The following SLC8A1 variants were observed in gnomAD, a reference collection of about 807,000 sequenced individuals.
SLC8A1 encodes the protein sodium/calcium exchanger 1.
In SLC8A1, 18 loss-of-function variants were observed where a neutral mutation model predicts 68.3. The observed-to-expected ratio is 0.26, with a 90% CI of 0.18 to 0.39. The LOEUF is 0.39. Ranked by LOEUF, SLC8A1 falls within the 10% of genes least tolerant of loss-of-function variation. The pLI, the probability that SLC8A1 is intolerant of heterozygous loss-of-function variation, is 1.00. For missense variants in SLC8A1, 985 were observed against 1,156.7 expected (o/e 0.85, Z 2.15); for synonymous variants, 475 against 415.5 (o/e 1.14, Z -1.74).
At chr2:40,107,182 A>G (rs2034253903) in exon 8 of SLC8A1, 1 of 149,342 alleles carries the variant, frequency 6.7e-6, no homozygotes, top group African/African-American at 2.4e-5. Context: ...ACACGTGTTT[A>G]GAAAATGCCG....
chr2:40,243,557 TG>T (rs1236861557), intron 2 of SLC8A1, among the ~76,000 whole-genome samples: 1 of 152,216 alleles, frequency 6.6e-6, no homozygotes, highest in Non-Finnish European at 1.5e-5. Flanking sequence ...AGTAACATCA[TG>T]GCTTTGAGCT....
intron 2 of SLC8A1, 66 bp from the exon 3 acceptor site, chr2:40,178,559 A>T: frequency 1.5e-6 from 2 of 1,369,616 alleles, no homozygotes; most frequent in Non-Finnish European, 2.1e-6. Context: ...AACATAGAGA[A>T]GAGGAAAGCA....
chr2:40,115,686 G>A lies in SLC8A1; in HGVS notation c.2438-57C>T, dbSNP rs183947542. ...TCAATCTTTTAGAGATGTCTTTGGA[G>A]TGCTGCAAGCTTCAGCTGTGTACTC... is the stretch of plus-strand genomic sequence containing the variant. On this transcript the variant is annotated intron_variant, in intron 7 of 7. Transcript: ENST00000406785. 4.5e-6 allele frequency: 7 copies of A among 1,557,520 alleles called. No homozygotes were observed. The Admixed American group carries it at 1.2e-4, about 27-fold the overall frequency.
intron 2 of SLC8A1, among the ~76,000 whole-genome samples, chr2:40,191,190 C>G (rs1278614794): frequency 6.6e-6 from 1 of 152,140 alleles, no homozygotes; most frequent in East Asian, 1.9e-4. Flanking sequence ...CATCAATATG[C>G]CTCCTGTTTT....
chr2:40,168,702 C>G (rs2046962793), intron 4 of SLC8A1, among the ~76,000 whole-genome samples: 1 of 152,142 alleles, frequency 6.6e-6, no homozygotes, highest in South Asian at 2.1e-4. Context: ...GGATCAAAAG[C>G]AGATCATTTT....
At chr2:40,290,458 G>A (rs3886237) in intron 2 of SLC8A1, among the ~76,000 whole-genome samples, 5,536 of 152,108 alleles carry the variant, frequency 0.036, 332 homozygotes, top group African/African-American at 0.13. Flanking sequence ...AGAGAAGCAG[G>A]TGCATTGTCT....
At chr2:40,373,333 G>A (rs1678769737) in intron 2 of SLC8A1, among the ~76,000 whole-genome samples, 1 of 152,034 alleles carries the variant, frequency 6.6e-6, no homozygotes, top group African/African-American at 2.4e-5. Flanking sequence ...GTCAATCTCA[G>A]CAGAAACATG....
At chr2:40,120,958 T>C (rs769741946) in intron 7 of SLC8A1, among the ~76,000 whole-genome samples, 1 of 152,224 alleles carries the variant, frequency 6.6e-6, no homozygotes, top group Non-Finnish European at 1.5e-5. Flanking sequence ...TTAAAAAATG[T>C]AGGTTTGGGG....
chr2:40,367,540 T>G (rs1336013260), intron 2 of SLC8A1, among the ~76,000 whole-genome samples: 1 of 151,968 alleles, frequency 6.6e-6, no homozygotes, highest in Non-Finnish European at 1.5e-5. Context: ...AACTATACAG[T>G]AAGTATTTTC....
At chr2:40,306,872 G>A (rs2072722241) in intron 2 of SLC8A1, among the ~76,000 whole-genome samples, 1 of 152,122 alleles carries the variant, frequency 6.6e-6, no homozygotes, top group African/African-American at 2.4e-5. Context: ...AAGGAATATT[G>A]TGATGAGTCA....
Position 40,164,994 on chromosome 2 carries a change from G to A in SLC8A1, c.1931-10C>T, listed in dbSNP as rs767868210. ...TTGTCATCATATTCGTCTGTGAAACGGAAGTATCAGAGAGTGAGCACTGTG... is the reference window on the plus strand; with the variant it reads ...TTGTCATCATATTCGTCTGTGAAACAGAAGTATCAGAGAGTGAGCACTGTG... On this transcript the variant is annotated splice_polypyrimidine_tract_variant and intron_variant, in intron 4 of 7. Transcript: ENST00000406785. 24 of 1,613,362 alleles carry A rather than the reference G, an allele frequency of 1.5e-5. No individual in the cohort carries two copies. The highest frequency in any genetic ancestry group is 7.7e-5 in the South Asian group (7 of 91,072).
intron 2 of SLC8A1, chr2:40,337,301 C>A (rs545263299): frequency 2.8e-5 from 10 of 351,648 alleles, no homozygotes; most frequent in Middle Eastern, 7.8e-4. Flanking sequence ...TATGTTTATG[C>A]ATCATCATAA....
At chr2:40,198,472 C>T (rs938886582) in intron 2 of SLC8A1, among the ~76,000 whole-genome samples, 49 of 151,884 alleles carry the variant, frequency 3.2e-4, no homozygotes, top group African/African-American at 1.2e-3. Context: ...ATTCATATCA[C>T]TTCTATAAAA....
intron 2 of SLC8A1, among the ~76,000 whole-genome samples, chr2:40,402,597 A>T (rs1306309073): frequency 1.3e-5 from 2 of 152,174 alleles, no homozygotes; most frequent in Non-Finnish European, 2.9e-5. Flanking sequence ...ATTGATTGAA[A>T]CATAGGTGAT....
chr2:40,193,357 A>C (rs373857), intron 2 of SLC8A1, among the ~76,000 whole-genome samples: 9 of 151,866 alleles, frequency 5.9e-5, no homozygotes, highest in African/African-American at 2.2e-4. Context: ...CACATTAGGC[A>C]TTGGGGATAA....
chr2:40,441,783 C>G (rs796571218), intron 1 of SLC8A1, among the ~76,000 whole-genome samples: 39 of 152,084 alleles, frequency 2.6e-4, no homozygotes, highest in African/African-American at 8.4e-4. Flanking sequence ...GGACTGAAGA[C>G]TTAAATGTAA....
intron 7 of SLC8A1, among the ~76,000 whole-genome samples, chr2:40,127,141 C>A (rs988131422): frequency 6.6e-6 from 1 of 152,098 alleles, no homozygotes; most frequent in African/African-American, 2.4e-5. Flanking sequence ...TAGCTATTGG[C>A]ATTGTCAAAA....
chr2:40,383,937 C>T lies in SLC8A1; in HGVS notation c.1808+44536G>A, dbSNP rs544514202. 3.0e-4 allele frequency among the ~76,000 whole-genome samples: 45 copies of T among 152,202 alleles called. No homozygotes were observed. The South Asian group carries it at 5.2e-3, about 18-fold the overall frequency. On this transcript the variant is annotated intron_variant, in intron 2 of 7. Coordinates refer to ENST00000406785, the Ensembl canonical transcript of SLC8A1. ...CACAGATCTGGTAACAGGGCATCTG[C>T]GAACTTTACAATTCACTATAAAGTA...
intron 2 of SLC8A1, among the ~76,000 whole-genome samples, chr2:40,309,975 C>G (rs1269327889): frequency 6.6e-6 from 1 of 152,172 alleles, no homozygotes; most frequent in Non-Finnish European, 1.5e-5. Flanking sequence ...ACCATTCACT[C>G]CTGCTTTCCC....
Sources: gnomAD v4.1 joint callset for allele counts (sites outside exome capture counted in the v4.1 genomes callset) on GRCh38, gnomAD v4.1.1 for gene constraint, MANE v1.5 for transcripts, NCBI Gene and HGNC (gene_info 2026-07-23, HGNC 2026-07-21) for gene names.